Variants in KANSL1L observed in about 807,000 individuals in gnomAD.
The protein encoded by KANSL1L is KAT8 regulatory NSL complex subunit 1-like protein.
A neutral mutation model predicts 108.6 loss-of-function variants in KANSL1L; 25 were observed. That is an observed-to-expected ratio of 0.23 (90% CI 0.17 to 0.32). The LOEUF (loss-of-function observed/expected upper bound fraction) is 0.32. KANSL1L is among the 10% of genes least tolerant of loss of function. The pLI, the probability that KANSL1L is intolerant of heterozygous loss-of-function variation, is 1.00. For missense variants in KANSL1L, 1,137 were observed against 1,125.7 expected, an observed-to-expected ratio of 1.01 and a Z score of -0.14; for synonymous variants, 405 against 395.1, an observed-to-expected ratio of 1.03 and a Z score of -0.30.
chr2:210,166,843 C>G (rs1220075754), intron 1 of KANSL1L, among the ~76,000 whole-genome samples: 2 of 151,872 alleles, frequency 1.3e-5, no homozygotes, highest in Non-Finnish European at 2.9e-5. Context: ...CACTTGTGAC[C>G]TAAATGTTTC....
In KANSL1L at chr2:210,153,945, G is replaced by C. The variant is rs751986689; in HGVS notation, c.638C>G (p.Ala213Gly). 13 of 1,613,370 alleles carry C rather than the reference G, an allele frequency of 8.1e-6. No homozygotes were observed. In the South Asian group the frequency reaches 1.4e-4, roughly 18 times the overall value. Residue 213 changes from alanine (A) to glycine (G), a missense_variant, in exon 2 of 15, where the codon GCT (alanine) becomes GGT (glycine). Ala to Gly is a moderately conservative substitution (Grantham distance 60). This residue lies in a region of KANSL1L where 556 missense variants were observed against 537.7 expected (regional missense o/e 1.03). Coordinates refer to ENST00000281772, the MANE Select transcript of KANSL1L (RefSeq NM_152519.4). Reference sequence around the variant, plus strand: ...ATGTACTTCCTCCTCTTTTTCAGCAGCTGAAGAACTAACAGGCACATTTGA... The same window carrying C: ...ATGTACTTCCTCCTCTTTTTCAGCACCTGAAGAACTAACAGGCACATTTGA... ...GHSNVPVSSS[A>G]AEKEEEVHAR...
chr2:210,071,089 C>G (rs1193558731), intron 6 of KANSL1L, among the ~76,000 whole-genome samples: 1 of 151,568 alleles, frequency 6.6e-6, no homozygotes, highest in South Asian at 2.1e-4. Context: ...ACCCGGGAGG[C>G]GGAGGTTGCA....
intron 2 of KANSL1L, among the ~76,000 whole-genome samples, chr2:210,140,554 T>C (rs1053035596): frequency 1.3e-5 from 2 of 152,236 alleles, no homozygotes; most frequent in African/African-American, 2.4e-5. Context: ...TTGACTATTA[T>C]AGTTTTCTCA....
At chr2:210,081,846 A>C (rs1348817983) in intron 5 of KANSL1L, among the ~76,000 whole-genome samples, 2 of 152,246 alleles carry the variant, frequency 1.3e-5, no homozygotes, top group Non-Finnish European at 2.9e-5. Context: ...TCTATTAAAT[A>C]GAAGGCTACA....
At chr2:210,093,176 C>T (rs2094707288) in intron 5 of KANSL1L, among the ~76,000 whole-genome samples, 1 of 152,148 alleles carries the variant, frequency 6.6e-6, no homozygotes. Context: ...GACAGAGTCT[C>T]ACTCTGTCAC....
intron 2 of KANSL1L, among the ~76,000 whole-genome samples, chr2:210,135,322 T>C (rs2095164264): frequency 1.3e-5 from 2 of 152,150 alleles, no homozygotes. Context: ...GAGAAAGAGG[T>C]ACATGGACAT....
intron 3 of KANSL1L, among the ~76,000 whole-genome samples, chr2:210,128,800 T>C (rs2095092397): frequency 6.6e-6 from 1 of 152,166 alleles, no homozygotes; most frequent in Non-Finnish European, 1.5e-5. Context: ...TTATATTAAC[T>C]GGAATCCAAT....
chr2:210,024,167 G>C lies in KANSL1L; in HGVS notation c.2599C>G (p.Leu867Val). The C allele has an allele frequency of 6.2e-7, 1 of 1,601,626 alleles. No homozygotes were observed. The highest frequency in any genetic ancestry group is 8.5e-7 in the Non-Finnish European group (1 of 1,174,232). ...YSKNVEGQDL[L>V]LKEYPNNFSS... ...AAGTTATTAGGGTATTCTTTCAAAA[G>C]CAAGTCCTGTCCTTCAACATTTTTA... The change falls in exon 14 of 15, where the codon CTT (leucine) becomes GTT (valine). Residue 867 changes from leucine to valine, a missense_variant. This residue lies in a region of KANSL1L where 575 missense variants were observed against 567.1 expected (regional missense o/e 1.01). Transcript: ENST00000281772.
chr2:210,084,204 C>T (rs572238299), intron 5 of KANSL1L, among the ~76,000 whole-genome samples: 119 of 152,046 alleles, frequency 7.8e-4, no homozygotes, highest in Middle Eastern at 3.4e-3. Context: ...AGCAGATTGC[C>T]TGAGGTCAGG....
chr2:210,047,867 G>C (rs533091800), intron 6 of KANSL1L, among the ~76,000 whole-genome samples: 1 of 152,170 alleles, frequency 6.6e-6, no homozygotes, highest in Non-Finnish European at 1.5e-5. Flanking sequence ...ATAAAATAGA[G>C]ACTTCTCTCC....
intron 5 of KANSL1L, chr2:210,097,484 A>C (rs1208873668): frequency 2.1e-5 from 4 of 191,668 alleles, no homozygotes; most frequent in Non-Finnish European, 3.8e-5. Context: ...TATCTTCAAA[A>C]GGAAAAGTTC....
chr2:210,143,498 T>A (rs533261042), intron 2 of KANSL1L, among the ~76,000 whole-genome samples: 1 of 152,304 alleles, frequency 6.6e-6, no homozygotes, highest in East Asian at 1.9e-4. Flanking sequence ...TTCACTGTTT[T>A]CTGTTTTCGT....
At position 210,160,781 on chromosome 2, in the gene KANSL1L, T is replaced by C. The variant is rs2095357211; in HGVS notation, c.-29-6170A>G. Reference sequence around the variant, plus strand: ...GATACAAAATCTTGGCAGGACATTTTGCTGATATCTACAAGCTAATTCAAA... The same window carrying C: ...GATACAAAATCTTGGCAGGACATTTCGCTGATATCTACAAGCTAATTCAAA... On this transcript the variant is annotated intron_variant, in intron 1 of 14. Transcript: ENST00000281772. 2.6e-5 allele frequency among the ~76,000 whole-genome samples: 4 copies of C among 152,334 alleles called. No individual in the cohort carries two copies. In the South Asian group the frequency reaches 6.2e-4, roughly 24 times the overall value.
intron 1 of KANSL1L, among the ~76,000 whole-genome samples, chr2:210,169,759 C>G (rs1199755267): frequency 6.6e-6 from 1 of 152,066 alleles, no homozygotes; most frequent in East Asian, 1.9e-4. Flanking sequence ...TGAGGGAGAA[C>G]CAAAGATAAT....
At chr2:210,156,739 C>G (rs2095335553) in intron 1 of KANSL1L, among the ~76,000 whole-genome samples, 1 of 151,844 alleles carries the variant, frequency 6.6e-6, no homozygotes, top group African/African-American at 2.4e-5. Context: ...AGTGATAGTT[C>G]AAGGGGATTT....
At chr2:210,024,644 C>T (rs2093910619) in intron 13 of KANSL1L, among the ~76,000 whole-genome samples, 2 of 151,958 alleles carry the variant, frequency 1.3e-5, no homozygotes. Context: ...CCTCAAAGCT[C>T]ATTTGTGTTT....
chr2:210,038,560 T>C (rs573121970), intron 8 of KANSL1L, among the ~76,000 whole-genome samples: 6 of 152,158 alleles, frequency 3.9e-5, no homozygotes, highest in Non-Finnish European at 4.4e-5. Context: ...TTCATTATTA[T>C]CATCAAGTAC....
At chr2:210,161,989 C>T (rs1230227391) in intron 1 of KANSL1L, among the ~76,000 whole-genome samples, 1 of 150,076 alleles carries the variant, frequency 6.7e-6, no homozygotes, top group African/African-American at 2.4e-5. Context: ...TTTTGGGAGG[C>T]CAAGGCGGGA....
At chr2:210,025,943 ATGTTTT>A (rs1195011542) in intron 12 of KANSL1L, among the ~76,000 whole-genome samples, 10 of 152,218 alleles carry the variant, frequency 6.6e-5, no homozygotes, top group African/African-American at 2.4e-4. Context: ...AGTAGTCTTA[ATGTTTT>A]ATTCATTCAG....
Sources: gnomAD v4.1 joint callset for allele counts (sites outside exome capture counted in the v4.1 genomes callset) on GRCh38, gnomAD v4.1.1 for gene constraint, gnomAD v4.1.1 regional missense constraint, MANE v1.5 for transcripts, NCBI Gene and HGNC (gene_info 2026-07-23, HGNC 2026-07-21) for gene names.